Variants in SAMD4A observed in about 807,000 individuals in gnomAD.
SAMD4A encodes the protein sterile alpha motif domain containing 4A, also known as protein Smaug homolog 1.
SAMD4A carries 33 observed loss-of-function variants against 81.3 expected under a neutral mutation model. The observed-to-expected ratio is 0.41, with a 90% confidence interval of 0.31 to 0.54. The LOEUF is 0.54. Ranked by LOEUF, SAMD4A falls within the 20% of genes least tolerant of loss-of-function variation. The pLI is 0.37. For synonymous variants in SAMD4A, 389 were observed against 382.1 expected (o/e 1.02, Z -0.21); for missense variants, 854 against 951.1 (o/e 0.90, Z 1.34).
intron 2 of SAMD4A, among the ~76,000 whole-genome samples, chr14:54,644,953 C>CTGGTGAT (rs1177525990): frequency 6.6e-6 from 1 of 152,104 alleles, no homozygotes; most frequent in Non-Finnish European, 1.5e-5. Flanking sequence ...CTACTGGTAT[C>CTGGTGAT]TGGTGATAGT....
chr14:54,669,436 C>T (rs959566226), intron 2 of SAMD4A, among the ~76,000 whole-genome samples: 5 of 144,182 alleles, frequency 3.5e-5, no homozygotes, highest in East Asian at 2.1e-4. Flanking sequence ...TTAGAAGCAA[C>T]GCTTCTTTCT....
intron 9 of SAMD4A, among the ~76,000 whole-genome samples, chr14:54,773,382 G>A (rs942349904): frequency 3.3e-5 from 5 of 152,146 alleles, no homozygotes; most frequent in Admixed American, 1.3e-4. Context: ...CCCCTGTGTC[G>A]CTGGAAAAGC....
intron 2 of SAMD4A, among the ~76,000 whole-genome samples, chr14:54,602,025 G>A (rs1340252301): frequency 6.6e-6 from 1 of 152,140 alleles, no homozygotes; most frequent in Admixed American, 6.5e-5. Context: ...GAGAAAGCAG[G>A]ACAGAAACAG....
chr14:54,610,367 C>T (rs187904047), intron 2 of SAMD4A, among the ~76,000 whole-genome samples: 14 of 152,274 alleles, frequency 9.2e-5, no homozygotes, highest in Non-Finnish European at 1.9e-4. Flanking sequence ...CTCCAGGCCC[C>T]GGAGCTCACA....
At chr14:54,777,725 A>G (rs2038895062) in intron 11 of SAMD4A, among the ~76,000 whole-genome samples, 1 of 152,044 alleles carries the variant, frequency 6.6e-6, no homozygotes, top group Non-Finnish European at 1.5e-5. Context: ...ACGCTGGAGG[A>G]CACACTGCTG....
chr14:54,690,338 G>A (rs1488908514), intron 2 of SAMD4A, among the ~76,000 whole-genome samples: 4 of 152,156 alleles, frequency 2.6e-5, no homozygotes, highest in Non-Finnish European at 5.9e-5. Flanking sequence ...CTACAGCAGA[G>A]AGTATGTAAT....
intron 2 of SAMD4A, among the ~76,000 whole-genome samples, chr14:54,655,214 A>T (rs1408131236): frequency 6.6e-6 from 1 of 152,154 alleles, no homozygotes; most frequent in African/African-American, 2.4e-5. Context: ...GACCACATTG[A>T]TGGATCAGTC....
At chr14:54,649,157 T>G (rs1198705603) in intron 2 of SAMD4A, among the ~76,000 whole-genome samples, 1 of 152,228 alleles carries the variant, frequency 6.6e-6, no homozygotes, top group South Asian at 2.1e-4. Context: ...ACATGCCCGT[T>G]AGATGTCCTA....
At chr14:54,760,590 CT>C in intron 7 of SAMD4A, 96 bp downstream of exon 7, 3 of 1,351,378 alleles carry the variant, frequency 2.2e-6, no homozygotes, top group Non-Finnish European at 2.8e-6. Flanking sequence ...GATAAATTCC[CT>C]GTCCAAGTAG....
At chr14:54,774,262 A>G (rs1314107991) in intron 9 of SAMD4A, among the ~76,000 whole-genome samples, 1 of 152,232 alleles carries the variant, frequency 6.6e-6, no homozygotes, top group African/African-American at 2.4e-5. Flanking sequence ...AGGAGAGAGC[A>G]CCTACTTCAT....
chr14:54,786,925 T>C (rs1393501228), intron 12 of SAMD4A, among the ~76,000 whole-genome samples: 2 of 152,224 alleles, frequency 1.3e-5, no homozygotes, highest in Non-Finnish European at 2.9e-5. Flanking sequence ...TGATCTCCTC[T>C]GGTGGGAAGC....
rs1453141112 is a variant in SAMD4A, at chr14:54,789,560, CATA to C, written c.*622_*624del. On this transcript the variant is annotated 3_prime_UTR_variant, in exon 13 of 13. Transcript: ENST00000554335. ...TAAACTTTGATTTGTGTATTGTTTACATAATAATTTTAAAGGGTACATAATGTG... is the reference window on the plus strand; with the variant it reads ...TAAACTTTGATTTGTGTATTGTTTACATAATTTTAAAGGGTACATAATGTG... The C allele has an allele frequency of 1.3e-5, 2 of 152,974 alleles. No individual in the cohort carries two copies. Among genetic ancestry groups the C allele is most frequent in the East Asian group, 1.9e-4 (1 of 5,208 alleles). The allele number at this position is 152,974 out of a possible 1,614,324, so 9.5% of individuals were successfully genotyped here. A position where few individuals can be genotyped will look rare whatever the true frequency, so the allele number is the denominator to read the frequency against.
At chr14:54,628,628 T>C (rs529116306) in intron 2 of SAMD4A, among the ~76,000 whole-genome samples, 1 of 152,292 alleles carries the variant, frequency 6.6e-6, no homozygotes, top group South Asian at 2.1e-4. Context: ...TCATGTTGAT[T>C]GAGTACTTAG....
chr14:54,778,642 T>G (rs759493933), intron 11 of SAMD4A, among the ~76,000 whole-genome samples: 4 of 152,190 alleles, frequency 2.6e-5, no homozygotes, highest in Non-Finnish European at 5.9e-5. Context: ...CTCTCAAGTA[T>G]TACAAACCCA....
At chr14:54,636,166 C>A (rs769934432) in intron 2 of SAMD4A, among the ~76,000 whole-genome samples, 1 of 152,080 alleles carries the variant, frequency 6.6e-6, no homozygotes, top group Non-Finnish European at 1.5e-5. Context: ...TAGAAGGTGG[C>A]ATTTGAACAG....
intron 8 of SAMD4A, among the ~76,000 whole-genome samples, chr14:54,769,022 A>T (rs542207722): frequency 6.6e-6 from 1 of 152,354 alleles, no homozygotes; most frequent in African/African-American, 2.4e-5. Context: ...TGCCCTATTG[A>T]CAAAACTGCT....
intron 2 of SAMD4A, among the ~76,000 whole-genome samples, chr14:54,599,942 T>C (rs915601743): frequency 5.9e-5 from 9 of 152,238 alleles, no homozygotes; most frequent in African/African-American, 2.2e-4. Flanking sequence ...AGTTTATAGA[T>C]TTGTAGTCTT....
chr14:54,783,157 T>TAAAAAAA (rs368455274), intron 11 of SAMD4A, among the ~76,000 whole-genome samples: 1 of 140,516 alleles, frequency 7.1e-6, no homozygotes, highest in Non-Finnish European at 1.5e-5. Flanking sequence ...CACAAAACTT[T>TAAAAAAA]AAAAAAAAAA....
At chr14:54,733,261 C>T (rs554676610) in intron 3 of SAMD4A, among the ~76,000 whole-genome samples, 19 of 152,240 alleles carry the variant, frequency 1.2e-4, no homozygotes, top group South Asian at 2.1e-4. Context: ...TTATTTACTT[C>T]GGATTCATTT....
Sources: allele counts gnomAD v4.1 joint callset (sites outside exome capture counted in the v4.1 genomes callset), GRCh38; gene constraint gnomAD v4.1.1; transcripts MANE v1.5; gene names NCBI Gene and HGNC (gene_info 2026-07-23, HGNC 2026-07-21).